The following IQCM variants were observed in gnomAD, a reference collection of about 807,000 sequenced individuals.
The protein encoded by IQCM is IQ motif containing M.
Under a neutral mutation model 57.6 loss-of-function variants are expected in IQCM, and 45 were observed. That is an observed-to-expected ratio of 0.78 (90% CI 0.62 to 1.00). IQCM has a LOEUF of 1.00. Among genes scored for constraint, IQCM ranks in the 50% least tolerant of loss-of-function variants. The pLI, the probability that IQCM is intolerant of heterozygous loss-of-function variation, is 0.00. For missense variants in IQCM, 468 were observed against 511.6 expected (o/e 0.91, Z 0.82); for synonymous variants, 148 against 158.9 (o/e 0.93, Z 0.51).
At chr4:149,403,147 C>A (rs1560806581) in intron 13 of IQCM, among the ~76,000 whole-genome samples, 1 of 151,902 alleles carries the variant, frequency 6.6e-6, no homozygotes, top group Non-Finnish European at 1.5e-5. Flanking sequence ...TTTCTTAAGA[C>A]TGAATTTAGC....
rs1178659790 is a variant in IQCM at position 149,512,323 on chromosome 4, A to G, written c.1228+36132T>C. Among the ~76,000 whole-genome samples the G allele has an allele frequency of 2.0e-5, 3 of 152,296 alleles. No individual in the cohort carries two copies. In the East Asian group the frequency reaches 5.8e-4, roughly 29 times the overall value. ...AGAAAGTGGAGAAAATGGTATAGAA[A>G]TTGGGGATTTCAGCACTGACATGAT... On this transcript the variant is annotated intron_variant, in intron 12 of 13. Transcript: ENST00000636793.
At chr4:149,711,295 C>A (rs996251154) in intron 5 of IQCM, 1 of 152,148 alleles carries the variant, frequency 6.6e-6, no homozygotes, top group Admixed American at 6.5e-5. Flanking sequence ...CCTCCACATA[C>A]CCCAGTTACT....
intron 5 of IQCM, among the ~76,000 whole-genome samples, chr4:149,703,191 G>A (rs1009620709): frequency 3.3e-5 from 5 of 151,880 alleles, no homozygotes; most frequent in African/African-American, 1.2e-4. Context: ...AGCAGCCACA[G>A]ATAATTCATA....
chr4:149,808,295 G>A (rs2150062604), intron 2 of IQCM, among the ~76,000 whole-genome samples: 1 of 152,216 alleles, frequency 6.6e-6, no homozygotes, highest in South Asian at 2.1e-4. Context: ...ATTATGTTAA[G>A]TGAAATAAGC....
At chr4:149,637,212 G>C (rs1308345899) in intron 7 of IQCM, among the ~76,000 whole-genome samples, 1 of 141,970 alleles carries the variant, frequency 7.0e-6, no homozygotes, top group East Asian at 2.0e-4. Flanking sequence ...AGTATACAAA[G>C]TAAATTAAAA....
At chr4:149,505,695 A>G (rs527390936) in intron 12 of IQCM, among the ~76,000 whole-genome samples, 1 of 152,206 alleles carries the variant, frequency 6.6e-6, no homozygotes, top group Admixed American at 6.5e-5. Context: ...TTTAGAGATC[A>G]TTCTAAAATG....
rs1025060305 is a variant in IQCM at position 149,584,844 on chromosome 4, A to G, written c.749+3086T>C. On this transcript the variant is annotated intron_variant, in intron 9 of 13. Coordinates refer to ENST00000636793, the MANE Select transcript of IQCM (RefSeq NM_001363507.2). ...CCAGGACTCTGACTTATCCACCACT[A>G]TTTATCCATATAAGGCAAAGGCAAC... Among the ~76,000 whole-genome samples the G allele has an allele frequency of 1.3e-4, 20 of 151,888 alleles. No individual in the cohort carries two copies. The Middle Eastern group carries it at 0.01, about 77-fold the overall frequency.
chr4:149,490,046 C>T (rs1741927485), intron 12 of IQCM, among the ~76,000 whole-genome samples: 2 of 151,908 alleles, frequency 1.3e-5, no homozygotes, highest in Admixed American at 1.3e-4. Context: ...GCTCTACAAA[C>T]ACTAGAAGCA....
intron 9 of IQCM, among the ~76,000 whole-genome samples, chr4:149,565,220 C>G (rs757545352): frequency 5.6e-4 from 86 of 152,224 alleles, no homozygotes; most frequent in Middle Eastern, 3.4e-3. Flanking sequence ...TTTCTTGATT[C>G]TCAGAGTGAA....
chr4:149,779,210 G>A (rs1771377910), intron 2 of IQCM, among the ~76,000 whole-genome samples: 1 of 152,096 alleles, frequency 6.6e-6, no homozygotes. Flanking sequence ...CTACTAACAG[G>A]TTTAAAACAA....
At chr4:149,810,650 C>T (rs2150066995) in intron 2 of IQCM, among the ~76,000 whole-genome samples, 1 of 152,066 alleles carries the variant, frequency 6.6e-6, no homozygotes, top group South Asian at 2.1e-4. Context: ...CGGGGTTTCA[C>T]CATGTTGGTC....
In IQCM at chr4:149,388,514, CATATATATT is replaced by C. The variant is rs1265728746; in HGVS notation, c.1391-36457_1391-36449del. On this transcript the variant is annotated intron_variant, in intron 13 of 13. Transcript: ENST00000636793. ...TATGTCCAAATATATATATATTATACATATATATTATATATATTATATATTATATATAAT... is the reference window on the plus strand; with the variant it reads ...TATGTCCAAATATATATATATTATACATATATATTATATATTATATATAAT... Among the ~76,000 whole-genome samples, 272 of 138,528 alleles carry C rather than the reference CATATATATT, an allele frequency of 2.0e-3. 1 individual carries two copies. The highest frequency in any genetic ancestry group is 0.016 in the South Asian group (72 of 4,558). The allele number at this position is 138,528 out of a possible 152,430, so 90.9% of individuals were successfully genotyped here.
rs57465501 is a variant in IQCM at position 149,481,701 on chromosome 4, G to GTTTTTTTTTTT, written c.1229-48155_1229-48145dup. 1.2e-3 allele frequency among the ~76,000 whole-genome samples: 61 copies of GTTTTTTTTTTT among 51,570 alleles called. 13 individuals are homozygous for GTTTTTTTTTTT. The highest frequency in any genetic ancestry group is 1.6e-3 in the Non-Finnish European group (44 of 27,376). The allele number at this position is 51,570 out of a possible 152,430, so 33.8% of individuals were successfully genotyped here. On this transcript the variant is annotated intron_variant, in intron 12 of 13. Coordinates refer to ENST00000636793, the MANE Select transcript of IQCM (RefSeq NM_001363507.2). ...CATGTAATGTGATTCTTCCAGTTTT[G>GTTTTTTTTTTT]TTTTTTTTTTTTTTTTTTTTTGCTT... is the stretch of plus-strand genomic sequence containing the variant.
In IQCM at chr4:149,784,769, G is replaced by A. The variant is rs141505019; in HGVS notation, c.-49+30542C>T. ...TATGCATTGCGAATGTCTGAATGCT[G>A]TATTGTCTCATTAGCACTCACATAT... On this transcript the variant is annotated intron_variant, in intron 2 of 13. Transcript: ENST00000636793. 3.9e-3 allele frequency among the ~76,000 whole-genome samples: 589 copies of A among 152,264 alleles called. 5 individuals carry two copies. Among genetic ancestry groups the A allele is most frequent in the African/African-American group, 0.013 (558 of 41,554 alleles).
intron 12 of IQCM, among the ~76,000 whole-genome samples, chr4:149,457,441 T>C (rs536059524): frequency 1.3e-5 from 2 of 152,194 alleles, no homozygotes; most frequent in Admixed American, 1.3e-4. Flanking sequence ...TCTCTTCTAA[T>C]ATGCATTTCC....
At chr4:149,576,286 G>T (rs1751642518) in intron 9 of IQCM, among the ~76,000 whole-genome samples, 2 of 151,572 alleles carry the variant, frequency 1.3e-5, no homozygotes, top group South Asian at 4.1e-4. Context: ...GTAGTTTTTT[G>T]ATCCTCACCC....
intron 13 of IQCM, among the ~76,000 whole-genome samples, chr4:149,367,162 A>G (rs578116725): frequency 6.6e-6 from 1 of 152,122 alleles, no homozygotes; most frequent in South Asian, 2.1e-4. Context: ...TGATCCACAT[A>G]TGATTTCAGA....
intron 13 of IQCM, among the ~76,000 whole-genome samples, chr4:149,398,311 T>A (rs1419992518): frequency 1.3e-5 from 2 of 152,060 alleles, no homozygotes; most frequent in African/African-American, 4.8e-5. Context: ...ATGATACCTC[T>A]AGATTTCTTT....
chr4:149,672,142 G>A (rs926055977), intron 7 of IQCM, among the ~76,000 whole-genome samples: 2 of 152,118 alleles, frequency 1.3e-5, no homozygotes, highest in African/African-American at 4.8e-5. Context: ...AAAGACGAAA[G>A]GTAGATAAAA....
Sources: gnomAD v4.1 joint callset for allele counts (sites outside exome capture counted in the v4.1 genomes callset) on GRCh38, gnomAD v4.1.1 for gene constraint, MANE v1.5 for transcripts, NCBI Gene and HGNC (gene_info 2026-07-23, HGNC 2026-07-21) for gene names.